STIM1: variants seen among roughly 807,000 people sequenced by gnomAD.
STIM1 encodes stromal interaction molecule 1.
STIM1 carries 25 observed loss-of-function variants against 74.7 expected under a neutral mutation model. The observed-to-expected ratio is 0.33, with a 90% CI of 0.24 to 0.47. STIM1 has a LOEUF of 0.47. Among genes scored for constraint, STIM1 ranks in the 20% least tolerant of loss-of-function variants. STIM1 has a pLI of 1.00. For missense variants in STIM1, 728 were observed against 920.8 expected, an observed-to-expected ratio of 0.79 and a Z score of 2.71; for synonymous variants, 328 against 348.8, an observed-to-expected ratio of 0.94 and a Z score of 0.66.
At chr11:4,062,367 C>A (rs1393798282) in intron 5 of STIM1, among the ~76,000 whole-genome samples, 3 of 152,188 alleles carry the variant, frequency 2.0e-5, no homozygotes, top group Non-Finnish European at 4.4e-5. Context: ...TGCCAGTAAT[C>A]CCAGCACTTT....
At chr11:4,089,220 C>A (rs775922447) in intron 12 of STIM1, 66 of 161,090 alleles carry the variant, frequency 4.1e-4, no homozygotes, top group Admixed American at 8.2e-4. Context: ...AAGACCCTGT[C>A]AATAAATAAA....
At chr11:3,909,984 T>C (rs2092535086) in intron 1 of STIM1, among the ~76,000 whole-genome samples, 1 of 151,562 alleles carries the variant, frequency 6.6e-6, no homozygotes, top group Admixed American at 6.6e-5. Flanking sequence ...CTGTGGGAAA[T>C]GTGTATGAGG....
At chr11:4,073,607 T>C (rs1267806161) in intron 6 of STIM1, among the ~76,000 whole-genome samples, 4 of 152,118 alleles carry the variant, frequency 2.6e-5, no homozygotes, top group African/African-American at 4.8e-5. Context: ...GGTGAATGAA[T>C]AGATGAATGA....
chr11:3,944,805 G>A (rs943197538), intron 1 of STIM1, among the ~76,000 whole-genome samples: 6 of 152,198 alleles, frequency 3.9e-5, no homozygotes, highest in Admixed American at 3.9e-4. Flanking sequence ...GAGCAGGAGT[G>A]TAGTGACTCT....
chr11:4,075,244 C>A (rs1298067653), intron 7 of STIM1, among the ~76,000 whole-genome samples: 1 of 152,106 alleles, frequency 6.6e-6, no homozygotes, highest in African/African-American at 2.4e-5. Context: ...TTATTTTGTT[C>A]CTTTTTTGAG....
chr11:3,952,072 A>G (rs970386835), intron 1 of STIM1, among the ~76,000 whole-genome samples: 2 of 152,154 alleles, frequency 1.3e-5, no homozygotes, highest in African/African-American at 4.8e-5. Flanking sequence ...GGCTAGACAC[A>G]GGGGAATACC....
At chr11:4,030,741 TAA>T (rs2094043018) in intron 3 of STIM1, among the ~76,000 whole-genome samples, 1 of 152,226 alleles carries the variant, frequency 6.6e-6, no homozygotes, top group Non-Finnish European at 1.5e-5. Flanking sequence ...ATATTTATTT[TAA>T]ATAGACACTT....
intron 2 of STIM1, among the ~76,000 whole-genome samples, chr11:3,998,951 A>G (rs1329462468): frequency 6.6e-6 from 1 of 152,228 alleles, no homozygotes; most frequent in Non-Finnish European, 1.5e-5. Flanking sequence ...TTTGATAGCC[A>G]TAGAGTCTCT....
chr11:3,918,779 C>T (rs887974277), intron 1 of STIM1, among the ~76,000 whole-genome samples: 4 of 151,908 alleles, frequency 2.6e-5, no homozygotes, highest in Admixed American at 1.3e-4. Flanking sequence ...AGAGGTGGTT[C>T]CTTAAGGGAA....
chr11:3,970,050 T>C (rs530706408), intron 2 of STIM1, among the ~76,000 whole-genome samples: 18 of 151,414 alleles, frequency 1.2e-4, no homozygotes, highest in African/African-American at 4.4e-4. Context: ...AATTCTTGGA[T>C]ATCTTTGTTA....
chr11:4,012,367 T>C (rs1485554250), intron 2 of STIM1, among the ~76,000 whole-genome samples: 1 of 152,262 alleles, frequency 6.6e-6, no homozygotes, highest in South Asian at 2.1e-4. Context: ...CATGGAATGC[T>C]CTTCCATTTG....
intron 1 of STIM1, among the ~76,000 whole-genome samples, chr11:3,928,371 G>T (rs1164646852): frequency 6.6e-6 from 1 of 151,920 alleles, no homozygotes; most frequent in Admixed American, 6.6e-5. Context: ...GACTGCAGGT[G>T]TGTGCCACCA....
In STIM1 at chr11:4,088,530, C is replaced by T. The variant is rs906334561; in HGVS notation, c.1634+1987C>T. 16 of 606,006 alleles carry T rather than the reference C, an allele frequency of 2.6e-5. 1 individual carries two copies. Among genetic ancestry groups the T allele is most frequent in the Middle Eastern group, 5.3e-4 (2 of 3,784 alleles). The allele number at this position is 606,006 out of a possible 1,614,324, so 37.5% of individuals were successfully genotyped here. A position where few individuals can be genotyped will look rare whatever the true frequency, so the allele number is the denominator to read the frequency against. On this transcript the variant is annotated intron_variant, in intron 12 of 12. Coordinates refer to ENST00000526596, the MANE Select transcript of STIM1 (RefSeq NM_001382567.1). ...TCATCCAAAAGCCTAGGAAGGGAGA[C>T]TGCTCCTTCCAGTACAGATGGAGAG... is the stretch of plus-strand genomic sequence containing the variant.
intron 1 of STIM1, among the ~76,000 whole-genome samples, chr11:3,952,003 CAAAAT>C (rs1195388080): frequency 1.3e-5 from 2 of 152,192 alleles, no homozygotes; most frequent in East Asian, 3.9e-4. Context: ...AGCAAATCTT[CAAAAT>C]CAGTATGCAC....
Position 3,971,849 on chromosome 11 carries a change from G to A in STIM1, c.270+4167G>A, listed in dbSNP as rs117909714. Among the ~76,000 whole-genome samples, 561 of 152,242 alleles carry A rather than the reference G, an allele frequency of 3.7e-3. 4 individuals are homozygous for A. The South Asian group carries it at 0.039, about 11-fold the overall frequency. On this transcript the variant is annotated intron_variant, in intron 2 of 12. Transcript: ENST00000526596. ...TATTGGCCACCTCAAAATGGAAACA[G>A]ATAACTCCCTAAATGTTAACCGGCC... is the stretch of plus-strand genomic sequence containing the variant.
chr11:3,932,107 G>A (rs563878324), intron 1 of STIM1, among the ~76,000 whole-genome samples: 90 of 152,182 alleles, frequency 5.9e-4, no homozygotes, highest in Non-Finnish European at 1.0e-3. Flanking sequence ...ACCTTGTTCA[G>A]CCCGCCACTA....
At chr11:3,955,555 G>A (rs2093201775) in intron 1 of STIM1, among the ~76,000 whole-genome samples, 1 of 151,928 alleles carries the variant, frequency 6.6e-6, no homozygotes, top group Admixed American at 6.6e-5. Flanking sequence ...TTATTTCAGT[G>A]GTAGTTACAT....
intron 1 of STIM1, among the ~76,000 whole-genome samples, chr11:3,949,857 C>T (rs1358647931): frequency 6.6e-6 from 1 of 152,128 alleles, no homozygotes; most frequent in Admixed American, 6.6e-5. Flanking sequence ...TCAGATTTCC[C>T]AGTTTTACTT....
At chr11:3,952,621 G>A (rs1219691208) in intron 1 of STIM1, among the ~76,000 whole-genome samples, 1 of 152,154 alleles carries the variant, frequency 6.6e-6, no homozygotes, top group African/African-American at 2.4e-5. Flanking sequence ...TCAATAATTA[G>A]GGATTGGGGA....
Sources: gnomAD v4.1 joint callset for allele counts (sites outside exome capture counted in the v4.1 genomes callset) on GRCh38, gnomAD v4.1.1 for gene constraint, MANE v1.5 for transcripts, NCBI Gene and HGNC (gene_info 2026-07-23, HGNC 2026-07-21) for gene names.